MLF1: variants seen among roughly 807,000 people sequenced by gnomAD.
The protein encoded by MLF1 is myelodysplasia-myeloid leukemia factor 1.
A neutral mutation model predicts 38.3 loss-of-function variants in MLF1; 37 were observed. The ratio of observed to expected loss-of-function variants is 0.96; its 90% confidence interval spans 0.74 to 1.27. The LOEUF (loss-of-function observed/expected upper bound fraction) is 1.27. Ranked by LOEUF, MLF1 falls within the 50% of genes most tolerant of loss-of-function variation. MLF1 has a pLI of 0.00. For missense variants in MLF1, 331 were observed against 349.2 expected (o/e 0.95, Z 0.42); for synonymous variants, 95 against 106.5 (o/e 0.89, Z 0.66).
At chr3:158,594,277 TTTAAGGA>T (rs1718579188) in intron 3 of MLF1, among the ~76,000 whole-genome samples, 1 of 152,032 alleles carries the variant, frequency 6.6e-6, no homozygotes, top group Non-Finnish European at 1.5e-5. Flanking sequence ...CTTCTTGAAC[TTTAAGGA>T]TTAGTAGAAG....
chr3:158,592,376 C>T, intron 1 of MLF1, 58 bp from the exon 2 acceptor site: 2 of 1,443,920 alleles, frequency 1.4e-6, no homozygotes, highest in Non-Finnish European at 9.3e-7. Context: ...ATTTACCTGC[C>T]TACTTACTAT....
intron 1 of MLF1, among the ~76,000 whole-genome samples, chr3:158,575,047 G>A (rs1200578943): frequency 1.3e-5 from 2 of 152,110 alleles, no homozygotes; most frequent in African/African-American, 4.8e-5. Context: ...CTGAGCAGAG[G>A]CAATGAATTC....
intron 5 of MLF1, among the ~76,000 whole-genome samples, chr3:158,598,730 A>T (rs1277696307): frequency 6.6e-6 from 1 of 152,184 alleles, no homozygotes; most frequent in Non-Finnish European, 1.5e-5. Context: ...GAAAATGTAC[A>T]GAGGCAGTTA....
chr3:158,604,405 A>G (rs1437382260), intron 7 of MLF1, among the ~76,000 whole-genome samples: 5 of 152,200 alleles, frequency 3.3e-5, no homozygotes, highest in Non-Finnish European at 7.3e-5. Context: ...AAAATGCTAT[A>G]TATCTATTCT....
chr3:158,583,433 T>G (rs534261589), intron 1 of MLF1, among the ~76,000 whole-genome samples: 6 of 151,018 alleles, frequency 4.0e-5, no homozygotes, highest in Admixed American at 6.6e-5. Context: ...AAAAAAGAAA[T>G]AAAGGGAAAG....
At chr3:158,588,700 T>G (rs1717684380) in intron 1 of MLF1, among the ~76,000 whole-genome samples, 1 of 151,296 alleles carries the variant, frequency 6.6e-6, no homozygotes, top group African/African-American at 2.4e-5. Flanking sequence ...GAACTACAAA[T>G]CTACAAAAAG....
chr3:158,602,853 G>A lies in MLF1; in HGVS notation c.660G>A (p.Lys220=), dbSNP rs772154954. 6.8e-6 allele frequency: 11 copies of A among 1,613,778 alleles called. No individual in the cohort carries two copies. Among genetic ancestry groups the A allele is most frequent in the African/African-American group, 1.3e-5 (1 of 75,036 alleles). Residue 220 remains lysine (K), a synonymous_variant, in exon 7 of 8, where the codon AAG becomes AAA. Transcript: ENST00000466246. ...FDEEWQSEVL[K]YKPGRHNLGN... ...AGGAGTGGCAAAGTGAGGTTTTGAA[G>A]TACAAACCAGGACGACACAATCTAG...
intron 1 of MLF1, chr3:158,590,715 A>G (rs1717988782): frequency 6.8e-6 from 3 of 442,522 alleles, no homozygotes; most frequent in African/African-American, 4.1e-5. Context: ...TATTCATGGT[A>G]ACTAGGGCTA....
At chr3:158,588,981 G>C in intron 1 of MLF1, 1 of 437,024 alleles carries the variant, frequency 2.3e-6, no homozygotes, top group Non-Finnish European at 4.6e-6. Context: ...AGTTTAAATA[G>C]GAGTTTCCCC....
intron 1 of MLF1, among the ~76,000 whole-genome samples, chr3:158,580,108 T>G (rs1716097859): frequency 6.6e-6 from 1 of 152,144 alleles, no homozygotes. Context: ...TAGAACTACT[T>G]GAAACTCTGT....
At chr3:158,588,741 CAG>C (rs1417688228) in intron 1 of MLF1, 23 of 327,962 alleles carry the variant, frequency 7.0e-5, no homozygotes, top group South Asian at 4.8e-4. Flanking sequence ...TCATAAAAAA[CAG>C]ATATTTATAG....
chr3:158,603,667 G>T (rs1020967021), intron 7 of MLF1, among the ~76,000 whole-genome samples: 2 of 151,850 alleles, frequency 1.3e-5, no homozygotes, highest in Admixed American at 1.3e-4. Context: ...GTGAAACCCC[G>T]TCTCTACTAA....
chr3:158,579,230 G>GA (rs924273710), intron 1 of MLF1, among the ~76,000 whole-genome samples: 2 of 151,860 alleles, frequency 1.3e-5, no homozygotes, highest in Non-Finnish European at 2.9e-5. Flanking sequence ...TTTCATTTGA[G>GA]AAAAAAAGCC....
chr3:158,580,290 TAA>T (rs138113242), intron 1 of MLF1, among the ~76,000 whole-genome samples: 2 of 140,784 alleles, frequency 1.4e-5, no homozygotes, highest in Non-Finnish European at 1.6e-5. Flanking sequence ...CCCCGGAACT[TAA>T]AAAAAAAAAA....
intron 7 of MLF1, among the ~76,000 whole-genome samples, chr3:158,604,803 C>T (rs981929533): frequency 6.6e-6 from 1 of 151,954 alleles, no homozygotes; most frequent in Non-Finnish European, 1.5e-5. Flanking sequence ...GGACTACAGG[C>T]GCGCATCACC....
In MLF1 at chr3:158,605,169, CA is replaced by C; in HGVS notation, c.822del (p.Gly275AlafsTer4). The C allele has an allele frequency of 1.2e-6, 2 of 1,613,694 alleles. No homozygotes were observed. The highest frequency in any genetic ancestry group is 1.7e-6 in the Non-Finnish European group (2 of 1,179,836). On this transcript the variant is annotated frameshift_variant, in exon 8 of 8. Coordinates refer to ENST00000466246, the MANE Select transcript of MLF1 (RefSeq NM_001369783.1). LOFTEE classifies it high-confidence loss of function. ...ATGTTTTGGGGGACAAACTCCACAT[CA>C]AAGGCTCATCTGTGAAAAGCAACAA... ...SNVLGDKLHI[K>X]GSSVKSNKK
At chr3:158,600,207 A>C in intron 6 of MLF1, 34 bp downstream of exon 6, 4 of 1,317,336 alleles carry the variant, frequency 3.0e-6, no homozygotes, top group Non-Finnish European at 4.0e-6. Context: ...ATTCTTTCTT[A>C]TAAATTTAAA....
At chr3:158,584,679 G>A (rs1428843847) in intron 1 of MLF1, among the ~76,000 whole-genome samples, 2 of 151,702 alleles carry the variant, frequency 1.3e-5, no homozygotes, top group African/African-American at 4.9e-5. Context: ...GTGTGTGTGT[G>A]TGTGTGTGTG....
chr3:158,577,617 A>T (rs1022542367), intron 1 of MLF1, among the ~76,000 whole-genome samples: 2 of 152,224 alleles, frequency 1.3e-5, no homozygotes, highest in African/African-American at 4.8e-5. Context: ...TTATAAGATC[A>T]TATTTGAAAG....
Sources: gnomAD v4.1 joint callset for allele counts (sites outside exome capture counted in the v4.1 genomes callset) on GRCh38, gnomAD v4.1.1 for gene constraint, MANE v1.5 for transcripts, NCBI Gene and HGNC (gene_info 2026-07-23, HGNC 2026-07-21) for gene names.